PPP2R5E: variants seen among roughly 807,000 people sequenced by gnomAD.
The protein encoded by PPP2R5E is protein phosphatase 2 regulatory subunit B'epsilon.
Under a neutral mutation model 65.3 loss-of-function variants are expected in PPP2R5E, and 4 were observed. The ratio of observed to expected loss-of-function variants is 0.06; its 90% CI spans 0.03 to 0.14. PPP2R5E has a LOEUF of 0.14. Among genes scored for constraint, PPP2R5E ranks in the 10% least tolerant of loss-of-function variants. PPP2R5E has a pLI of 1.00. For missense variants in PPP2R5E, 274 were observed against 556.1 expected, an observed-to-expected ratio of 0.49 and a Z score of 5.10; for synonymous variants, 183 against 187.4, an observed-to-expected ratio of 0.98 and a Z score of 0.19.
chr14:63,376,112 AG>A lies in PPP2R5E; in HGVS notation c.1305-5del. 1.3e-6 allele frequency: 2 copies of A among 1,565,662 alleles called. No homozygotes were observed. Among genetic ancestry groups the A allele is most frequent in the African/African-American group, 2.7e-5 (2 of 73,918 alleles). ...CTCCTTTTCTTTCTTTTTCTCACTG[AG>A]GAAGAAACAGAATACAATGTAAACA... On this transcript the variant is annotated splice_polypyrimidine_tract_variant and splice_region_variant and intron_variant, in intron 13 of 13. Coordinates refer to ENST00000337537, the MANE Select transcript of PPP2R5E (RefSeq NM_006246.5).
At chr14:63,523,515 C>CT (rs1473142970) in intron 2 of PPP2R5E, among the ~76,000 whole-genome samples, 1 of 151,806 alleles carries the variant, frequency 6.6e-6, no homozygotes, top group Non-Finnish European at 1.5e-5. Context: ...AGGCAGCATG[C>CT]TCGTTAAGAG....
chr14:63,479,545 C>T (rs1034736735), intron 2 of PPP2R5E: 1 of 152,194 alleles, frequency 6.6e-6, no homozygotes, highest in Non-Finnish European at 1.5e-5. Flanking sequence ...TGTTTGTCTA[C>T]ACTTAGAACA....
intron 2 of PPP2R5E, among the ~76,000 whole-genome samples, chr14:63,509,609 A>T (rs571923076): frequency 1.3e-5 from 2 of 152,244 alleles, no homozygotes; most frequent in South Asian, 4.1e-4. Flanking sequence ...CAGATATTTC[A>T]CTAAACCAGA....
chr14:63,426,385 T>C (rs974636780), intron 3 of PPP2R5E, among the ~76,000 whole-genome samples: 1 of 151,514 alleles, frequency 6.6e-6, no homozygotes, highest in South Asian at 2.1e-4. Flanking sequence ...TTGTGCAGCA[T>C]TAAAGATGAT....
At chr14:63,482,952 T>C (rs1406704258) in intron 2 of PPP2R5E, among the ~76,000 whole-genome samples, 2 of 152,152 alleles carry the variant, frequency 1.3e-5, no homozygotes, top group Non-Finnish European at 2.9e-5. Context: ...GACAAAGATT[T>C]CTGTCCTGCT....
chr14:63,385,319 G>A (rs1884597685), intron 11 of PPP2R5E, among the ~76,000 whole-genome samples: 1 of 152,046 alleles, frequency 6.6e-6, no homozygotes, highest in Non-Finnish European at 1.5e-5. Context: ...GAGCAAGACC[G>A]TGTCTTCTCC....
intron 6 of PPP2R5E, 110 bp from the exon 7 acceptor site, chr14:63,395,395 A>T (rs1566671737): frequency 7.5e-6 from 3 of 400,368 alleles, no homozygotes; most frequent in Non-Finnish European, 1.3e-5. Context: ...GAAGAGGAGG[A>T]GGAGGAGGAG....
At position 63,382,085 on chromosome 14, in the gene PPP2R5E, C is replaced by A; in HGVS notation, c.1275G>T (p.Leu425=). ...MEMNSTMFDE[L]TATYKSDRQR... ...GACGATCTGACTTGTATGTGGCTGT[C>A]AGCTCGTCAAACATGGTGCTGTTCA... is the stretch of plus-strand genomic sequence containing the variant. Residue 425 remains leucine (L), a synonymous_variant, in exon 13 of 14, where the codon CTG becomes CTT. Transcript: ENST00000337537. 1.9e-6 allele frequency: 3 copies of A among 1,613,650 alleles called. No individual in the cohort carries two copies. Among genetic ancestry groups the A allele is most frequent in the Non-Finnish European group, 2.5e-6 (3 of 1,179,718 alleles).
chr14:63,413,055 T>C (rs897364160), intron 5 of PPP2R5E, among the ~76,000 whole-genome samples: 3 of 152,232 alleles, frequency 2.0e-5, no homozygotes, highest in African/African-American at 7.2e-5. Flanking sequence ...TACCTGTGTA[T>C]ATGGCTTTTC....
At chr14:63,460,776 A>G (rs565679540) in intron 2 of PPP2R5E, among the ~76,000 whole-genome samples, 1 of 152,350 alleles carries the variant, frequency 6.6e-6, no homozygotes, top group African/African-American at 2.4e-5. Flanking sequence ...GGTCACCACC[A>G]CTAGTACAAA....
At chr14:63,476,399 A>C (rs1890413728) in intron 2 of PPP2R5E, among the ~76,000 whole-genome samples, 1 of 152,190 alleles carries the variant, frequency 6.6e-6, no homozygotes, top group Non-Finnish European at 1.5e-5. Flanking sequence ...AATTCACCAA[A>C]GATAAATGCT....
At chr14:63,444,848 G>T (rs137877788) in intron 3 of PPP2R5E, among the ~76,000 whole-genome samples, 2 of 152,308 alleles carry the variant, frequency 1.3e-5, no homozygotes, top group African/African-American at 4.8e-5. Context: ...TAAAGGAGCT[G>T]GAAGTCCTGA....
At chr14:63,507,575 CTTTTTTTTTTTTTTTT>C (rs756154248) in intron 2 of PPP2R5E, among the ~76,000 whole-genome samples, 3 of 105,502 alleles carry the variant, frequency 2.8e-5, no homozygotes, top group African/African-American at 1.2e-4. Flanking sequence ...GGGTAATTCT[CTTTTTTTTTTTTTTTT>C]TTTTTTGAGA....
chr14:63,448,834 A>G (rs1005003912), intron 3 of PPP2R5E, among the ~76,000 whole-genome samples: 2 of 151,844 alleles, frequency 1.3e-5, no homozygotes, highest in African/African-American at 4.8e-5. Flanking sequence ...ATGAAGTGCA[A>G]TAAAACGAGG....
chr14:63,440,416 C>CAAA (rs74901952), intron 3 of PPP2R5E, among the ~76,000 whole-genome samples: 8 of 133,048 alleles, frequency 6.0e-5, no homozygotes, highest in Non-Finnish European at 1.3e-4. Context: ...TGTTCTTAAG[C>CAAA]AAAAAAAAAA....
intron 2 of PPP2R5E, among the ~76,000 whole-genome samples, chr14:63,505,368 C>G (rs937838696): frequency 6.6e-5 from 10 of 152,214 alleles, no homozygotes; most frequent in African/African-American, 2.4e-4. Context: ...CTTTACACCT[C>G]TAAGGTTAAG....
In PPP2R5E at chr14:63,396,566, C is replaced by T; in HGVS notation, c.680+20G>A. 1 of 1,609,600 alleles carries T rather than the reference C, an allele frequency of 6.2e-7. No individual in the cohort carries two copies. Among genetic ancestry groups the T allele is most frequent in the Non-Finnish European group, 8.5e-7 (1 of 1,178,580 alleles). On this transcript the variant is annotated intron_variant, in intron 6 of 13. Coordinates refer to ENST00000337537, the MANE Select transcript of PPP2R5E (RefSeq NM_006246.5). ...ACACCAACTTTGCTTCTCCTTCTTC[C>T]CCCATCACACTCCACTTACCTTAGA...
intron 3 of PPP2R5E, among the ~76,000 whole-genome samples, chr14:63,424,725 T>C (rs1244895679): frequency 7.1e-6 from 1 of 141,770 alleles, no homozygotes; most frequent in South Asian, 2.2e-4. Context: ...CACTCCAGCC[T>C]GGGCAACAGA....
In PPP2R5E at chr14:63,460,915, A is replaced by ACACACAGTGATAAATG. The variant is rs1332847651; in HGVS notation, c.158-7046_158-7031dup. On this transcript the variant is annotated intron_variant, in intron 2 of 13. Transcript: ENST00000337537. Reference sequence around the variant, plus strand: ...ATACACACATGCACACTGATAAATGACACACAGTGATAAATGCACACAGTG... The same window carrying ACACACAGTGATAAATG: ...ATACACACATGCACACTGATAAATGACACACAGTGATAAATGCACACAGTGATAAATGCACACAGTG... Among the ~76,000 whole-genome samples the ACACACAGTGATAAATG allele has an allele frequency of 1.2e-4, 19 of 152,346 alleles. No individual in the cohort carries two copies. The East Asian group carries it at 2.9e-3, about 23-fold the overall frequency.
Sources: gnomAD v4.1 joint callset for allele counts (sites outside exome capture counted in the v4.1 genomes callset) on GRCh38, gnomAD v4.1.1 for gene constraint, MANE v1.5 for transcripts, NCBI Gene and HGNC (gene_info 2026-07-23, HGNC 2026-07-21) for gene names.